The following CCSER1 variants were observed in gnomAD, a reference collection of about 807,000 sequenced individuals.
CCSER1 encodes the protein serine-rich coiled-coil domain-containing protein 1.
In CCSER1, 41 loss-of-function variants were observed where a neutral mutation model predicts 82.0. The ratio of observed to expected loss-of-function variants is 0.50; its 90% CI spans 0.39 to 0.65. The LOEUF is 0.65. CCSER1 is among the 30% of genes least tolerant of loss of function. CCSER1 has a pLI of 0.00. For synonymous variants in CCSER1, 414 were observed against 383.9 expected (o/e 1.08, Z -0.92); for missense variants, 1,119 against 1,064.2 (o/e 1.05, Z -0.72).
At chr4:91,246,973 A>G (rs552904341) in intron 10 of CCSER1, among the ~76,000 whole-genome samples, 1 of 152,214 alleles carries the variant, frequency 6.6e-6, no homozygotes, top group South Asian at 2.1e-4. Context: ...CCAAAACCTG[A>G]TAGTACAATA....
intron 4 of CCSER1, among the ~76,000 whole-genome samples, chr4:90,405,017 C>A (rs1047173098): frequency 1.3e-5 from 2 of 152,056 alleles, no homozygotes; most frequent in African/African-American, 4.8e-5. Context: ...AAAAGGAAAT[C>A]TCTGAATTGC....
chr4:90,719,964 TGTTG>T (rs1742377972), intron 6 of CCSER1, among the ~76,000 whole-genome samples: 1 of 152,206 alleles, frequency 6.6e-6, no homozygotes, highest in African/African-American at 2.4e-5. Flanking sequence ...TCTATTTATT[TGTTG>T]ATTTGGAATT....
At chr4:90,226,805 C>A (rs953512889) in intron 1 of CCSER1, among the ~76,000 whole-genome samples, 1 of 152,174 alleles carries the variant, frequency 6.6e-6, no homozygotes, top group East Asian at 1.9e-4. Context: ...GCTCCCAAAC[C>A]TTTAGAATCC....
intron 10 of CCSER1, among the ~76,000 whole-genome samples, chr4:91,330,412 G>C (rs2149275570): frequency 6.6e-6 from 1 of 152,196 alleles, no homozygotes; most frequent in South Asian, 2.1e-4. Flanking sequence ...AGTGAGAAGA[G>C]AGCCAAGAAT....
intron 9 of CCSER1, among the ~76,000 whole-genome samples, chr4:90,937,237 T>C (rs1731051882): frequency 6.6e-6 from 1 of 152,072 alleles, no homozygotes; most frequent in Admixed American, 6.6e-5. Context: ...CAATGTTGCA[T>C]TTGAGCTGGA....
intron 6 of CCSER1, among the ~76,000 whole-genome samples, chr4:90,664,606 A>G (rs888340958): frequency 6.6e-6 from 1 of 152,202 alleles, no homozygotes; most frequent in Non-Finnish European, 1.5e-5. Flanking sequence ...TGGTTTAGAA[A>G]TAGAAACTAA....
In CCSER1 at chr4:91,313,282, T is replaced by C. The variant is rs373189125; in HGVS notation, c.2217+227288T>C. Among the ~76,000 whole-genome samples the C allele has an allele frequency of 7.6e-4, 116 of 152,078 alleles. 1 individual carries two copies. The South Asian group carries it at 7.9e-3, about 10-fold the overall frequency. ...ATTTTTTGGTCTTATTACTAGCTTT[T>C]TCTAAGATTTTTGATGTGTTAAATA... On this transcript the variant is annotated intron_variant, in intron 10 of 10. Transcript: ENST00000509176.
chr4:91,399,482 G>T (rs1020917996), intron 10 of CCSER1, among the ~76,000 whole-genome samples: 2 of 151,950 alleles, frequency 1.3e-5, no homozygotes, highest in Admixed American at 1.3e-4. Context: ...TATATTTTAT[G>T]CCTGTCTTCA....
At chr4:91,065,447 G>A (rs187000103) in intron 9 of CCSER1, among the ~76,000 whole-genome samples, 112 of 151,872 alleles carry the variant, frequency 7.4e-4, no homozygotes, top group African/African-American at 2.5e-3. Context: ...TTTGATATTC[G>A]ATATATACAA....
rs183364315 is a variant in CCSER1, at chr4:91,069,325, C to T, written c.2173-16625C>T. 9.5e-4 allele frequency among the ~76,000 whole-genome samples: 144 copies of T among 151,044 alleles called. 2 individuals carry two copies. The highest frequency in any genetic ancestry group is 3.7e-4 in the Non-Finnish European group (25 of 67,816). On this transcript the variant is annotated intron_variant, in intron 9 of 10. Transcript: ENST00000509176. ...TTTTTGGTGATTTGCCCAAGGTTAGCGAGAGAAAAGAAACAATTTATTCAT... is the reference window on the plus strand; with the variant it reads ...TTTTTGGTGATTTGCCCAAGGTTAGTGAGAGAAAAGAAACAATTTATTCAT...
chr4:90,934,699 A>G (rs1175467583), intron 9 of CCSER1, among the ~76,000 whole-genome samples: 2 of 152,226 alleles, frequency 1.3e-5, no homozygotes, highest in Non-Finnish European at 2.9e-5. Flanking sequence ...TGGGAGGCCA[A>G]GGCGGGTGGA....
chr4:90,473,920 G>T (rs1335192361), intron 5 of CCSER1, among the ~76,000 whole-genome samples: 1 of 151,990 alleles, frequency 6.6e-6, no homozygotes, highest in East Asian at 1.9e-4. Context: ...TTTGTTTTTG[G>T]CACTCTGCAT....
At chr4:90,330,458 CTT>C (rs959979952) in intron 3 of CCSER1, among the ~76,000 whole-genome samples, 22 of 152,104 alleles carry the variant, frequency 1.4e-4, no homozygotes, top group Admixed American at 3.9e-4. Context: ...CTCACTTTAT[CTT>C]TCTCTCTTTT....
At chr4:90,455,900 T>C (rs1250479753) in intron 4 of CCSER1, among the ~76,000 whole-genome samples, 1 of 152,156 alleles carries the variant, frequency 6.6e-6, no homozygotes, top group African/African-American at 2.4e-5. Context: ...TGCCTTTGGA[T>C]CTCTCACATC....
At chr4:91,043,985 G>A (rs1412755086) in intron 9 of CCSER1, among the ~76,000 whole-genome samples, 1 of 152,150 alleles carries the variant, frequency 6.6e-6, no homozygotes, top group Non-Finnish European at 1.5e-5. Context: ...CTATACCCAT[G>A]TAAACTATCA....
chr4:90,557,578 T>G (rs1778288156), intron 5 of CCSER1, among the ~76,000 whole-genome samples: 1 of 152,138 alleles, frequency 6.6e-6, no homozygotes, highest in Admixed American at 6.5e-5. Context: ...TGTAGGTATA[T>G]ATATCATCAG....
chr4:91,113,025 A>C (rs930746010), intron 10 of CCSER1, among the ~76,000 whole-genome samples: 4 of 152,228 alleles, frequency 2.6e-5, no homozygotes, highest in African/African-American at 9.6e-5. Flanking sequence ...CAGCAGAAGA[A>C]GTTACCTATT....
In CCSER1 at chr4:91,051,924, A is replaced by G. The variant is rs73834748; in HGVS notation, c.2173-34026A>G. ...CTTATCATTCATCTTCTGCATTAAT[A>G]TTATAGTTGGATAGTCATACTTAAA... On this transcript the variant is annotated intron_variant, in intron 9 of 10. Coordinates refer to ENST00000509176, the MANE Select transcript of CCSER1 (RefSeq NM_001145065.2). Among the ~76,000 whole-genome samples, 703 of 152,204 alleles carry G rather than the reference A, an allele frequency of 4.6e-3. 6 individuals carry two copies. Among genetic ancestry groups the G allele is most frequent in the African/African-American group, 0.016 (663 of 41,558 alleles).
chr4:90,254,651 C>G (rs1423969897), intron 1 of CCSER1, among the ~76,000 whole-genome samples: 5 of 152,048 alleles, frequency 3.3e-5, no homozygotes, highest in South Asian at 2.1e-4. Context: ...AAACTTGGGT[C>G]TAGGAGGAGA....
Sources: allele counts gnomAD v4.1 joint callset (sites outside exome capture counted in the v4.1 genomes callset), GRCh38; gene constraint gnomAD v4.1.1; transcripts MANE v1.5; gene names NCBI Gene and HGNC (gene_info 2026-07-23, HGNC 2026-07-21).